Variants in EML6 observed in about 807,000 individuals in gnomAD.
EML6 encodes the protein EMAP like 6.
Under a neutral mutation model 240.1 loss-of-function variants are expected in EML6, and 154 were observed. The ratio of observed to expected loss-of-function variants is 0.64; its 90% CI spans 0.56 to 0.73. The LOEUF (loss-of-function observed/expected upper bound fraction) is 0.73, where lower values mean the gene tolerates loss of function less well. Among genes scored for constraint, EML6 ranks in the 30% least tolerant of loss-of-function variants. The probability of loss-of-function intolerance (pLI) is 0.00; values close to 1 mark genes in which losing one functional copy is unlikely to be tolerated. For synonymous variants in EML6, 1,148 were observed against 899.0 expected (o/e 1.28, Z -4.95); for missense variants, 2,964 against 2,474.6 (o/e 1.20, Z -4.20).
intron 17 of EML6, among the ~76,000 whole-genome samples, chr2:54,890,629 C>G (rs1164188166): frequency 6.6e-6 from 1 of 152,122 alleles, no homozygotes; most frequent in Non-Finnish European, 1.5e-5. Context: ...CTTTCCACAG[C>G]AAGAGTGATT....
At chr2:54,908,054 C>A (rs1673442100) in intron 24 of EML6, among the ~76,000 whole-genome samples, 1 of 151,866 alleles carries the variant, frequency 6.6e-6, no homozygotes, top group Admixed American at 6.6e-5. Flanking sequence ...TTTCCTCATG[C>A]TTAAGAAACA....
At chr2:54,740,786 T>C (rs1207455878) in intron 2 of EML6, among the ~76,000 whole-genome samples, 2 of 152,120 alleles carry the variant, frequency 1.3e-5, no homozygotes, top group Non-Finnish European at 2.9e-5. Context: ...CAGGCCTATT[T>C]TTCTGCAGAG....
chr2:54,735,291 G>A (rs919242938), intron 2 of EML6, among the ~76,000 whole-genome samples: 1 of 152,230 alleles, frequency 6.6e-6, no homozygotes, highest in African/African-American at 2.4e-5. Context: ...TGAATTTCAT[G>A]TGTGTGTCCC....
intron 7 of EML6, among the ~76,000 whole-genome samples, chr2:54,832,583 G>A (rs1572969193): frequency 6.6e-6 from 1 of 152,316 alleles, no homozygotes; most frequent in East Asian, 1.9e-4. Flanking sequence ...GATGTAAATA[G>A]CTTTCTGGCG....
chr2:54,801,842 G>A (rs1328425657), intron 2 of EML6, among the ~76,000 whole-genome samples: 1 of 152,212 alleles, frequency 6.6e-6, no homozygotes, highest in Non-Finnish European at 1.5e-5. Context: ...TCACTTCTCA[G>A]AATGGCACTT....
At position 54,903,106 on chromosome 2, in the gene EML6, A is replaced by T. The variant is rs1673147275; in HGVS notation, c.3187A>T (p.Ser1063Cys). 1 of 1,551,772 alleles carries T rather than the reference A, an allele frequency of 6.4e-7. No individual in the cohort carries two copies. The highest frequency in any genetic ancestry group is 8.7e-7 in the Non-Finnish European group (1 of 1,146,940). The change falls in exon 23 of 42, where the codon AGT (serine) becomes TGT (cysteine). Residue 1063 changes from serine (S) to cysteine (C), a missense_variant. By Grantham distance (112) the Ser-to-Cys change is moderately radical. Coordinates refer to ENST00000356458, the MANE Select transcript of EML6 (RefSeq NM_001039753.4). ...CTTAGCGGTTGGCTTGAACGATGGG[A>T]GTTTCCTGGTGGTAAATGCTGACAC... Reference protein sequence around the residue: ...KALAVGLNDGSFLVVNADTVE... With the variant: ...KALAVGLNDGCFLVVNADTVE...
chr2:54,918,580 C>G (rs573274812), intron 26 of EML6, among the ~76,000 whole-genome samples: 1 of 152,234 alleles, frequency 6.6e-6, no homozygotes, highest in African/African-American at 2.4e-5. Context: ...CTCTTGGACT[C>G]AAACAATCCT....
intron 11 of EML6, 136 bp from the exon 12 acceptor site, chr2:54,859,398 A>G: frequency 8.9e-6 from 6 of 673,270 alleles, no homozygotes; most frequent in African/African-American, 1.8e-5. Context: ...GTTATTTGTT[A>G]CAATATGTAA....
intron 7 of EML6, among the ~76,000 whole-genome samples, chr2:54,836,109 C>T (rs534782498): frequency 6.6e-6 from 1 of 152,174 alleles, no homozygotes; most frequent in Non-Finnish European, 1.5e-5. Context: ...AAGAACACTG[C>T]AGAGGCCCGA....
intron 33 of EML6, 44 bp downstream of exon 33, chr2:54,958,042 C>T: frequency 2.7e-6 from 4 of 1,501,166 alleles, no homozygotes; most frequent in Non-Finnish European, 3.6e-6. Flanking sequence ...CCCAGACCCC[C>T]TGGGCATGGG....
intron 25 of EML6, among the ~76,000 whole-genome samples, 193 bp from the exon 26 acceptor site, chr2:54,916,566 C>T (rs1253737275): frequency 6.6e-6 from 1 of 152,184 alleles, no homozygotes; most frequent in Non-Finnish European, 1.5e-5. Context: ...GGGTATTTGA[C>T]TGCAGTGTTG....
intron 9 of EML6, among the ~76,000 whole-genome samples, chr2:54,849,583 G>C (rs1291626915): frequency 1.3e-5 from 2 of 152,164 alleles, no homozygotes; most frequent in African/African-American, 4.8e-5. Flanking sequence ...CTACCTCCCA[G>C]GTTCACGCCA....
At chr2:54,838,003 G>A (rs772729924) in intron 7 of EML6, among the ~76,000 whole-genome samples, 1 of 152,212 alleles carries the variant, frequency 6.6e-6, no homozygotes, top group Non-Finnish European at 1.5e-5. Flanking sequence ...TGGGAGAAAA[G>A]GCCATTTTCT....
intron 2 of EML6, among the ~76,000 whole-genome samples, chr2:54,798,352 T>G (rs1304176469): frequency 6.6e-6 from 1 of 152,054 alleles, no homozygotes; most frequent in Non-Finnish European, 1.5e-5. Flanking sequence ...TATTTGTATC[T>G]TTAGTAGAGA....
chr2:54,792,799 G>A (rs2103916301), intron 2 of EML6, among the ~76,000 whole-genome samples: 1 of 152,284 alleles, frequency 6.6e-6, no homozygotes, highest in Middle Eastern at 3.4e-3. Flanking sequence ...TTGTTCACAA[G>A]GGCCTTTTAA....
At chr2:54,967,488 G>C (rs1053633714) in intron 39 of EML6, among the ~76,000 whole-genome samples, 1 of 152,170 alleles carries the variant, frequency 6.6e-6, no homozygotes, top group Non-Finnish European at 1.5e-5. Flanking sequence ...CTAATTCATG[G>C]GAAAAGAGAC....
chr2:54,938,112 G>C (rs1009977897), intron 28 of EML6, among the ~76,000 whole-genome samples: 2 of 152,140 alleles, frequency 1.3e-5, no homozygotes, highest in African/African-American at 2.4e-5. Flanking sequence ...TTGGGAGGCC[G>C]AGGCGGGCAG....
At chr2:54,832,977 A>G (rs556920807) in intron 7 of EML6, among the ~76,000 whole-genome samples, 2 of 152,324 alleles carry the variant, frequency 1.3e-5, no homozygotes, top group African/African-American at 2.4e-5. Context: ...TATTTTTGCT[A>G]TTTGTGAAAC....
At position 54,829,423 on chromosome 2, in the gene EML6, G is replaced by C. The variant is rs1668754267; in HGVS notation, c.793G>C (p.Asp265His). 1.2e-5 allele frequency: 18 copies of C among 1,551,942 alleles called. No individual in the cohort carries two copies. Among genetic ancestry groups the C allele is most frequent in the Non-Finnish European group, 1.6e-5 (18 of 1,146,908 alleles). ...RDGCIRLWDT[D>H]FKPITKIDLR... The stretch of plus-strand genomic sequence containing the variant: ...TGGGTGTATACGACTGTGGGACACT[G>C]ATTTCAAACCAATAACCAAAATTGA... The change falls in exon 7 of 42, where the codon GAT (aspartate) becomes CAT (histidine). Residue 265 changes from aspartate to histidine, a missense_variant. By Grantham distance (81) the Asp-to-His change is moderately conservative. Coordinates refer to ENST00000356458, the MANE Select transcript of EML6 (RefSeq NM_001039753.4).
Sources: allele counts gnomAD v4.1 joint callset (sites outside exome capture counted in the v4.1 genomes callset), GRCh38; gene constraint gnomAD v4.1.1; transcripts MANE v1.5; gene names NCBI Gene and HGNC (gene_info 2026-07-23, HGNC 2026-07-21).